The following ERI3 variants were observed in gnomAD, a reference collection of about 807,000 sequenced individuals.
ERI3 encodes the protein ERI1 exoribonuclease 3.
Under a neutral mutation model 44.4 loss-of-function variants are expected in ERI3, and 18 were observed. The ratio of observed to expected loss-of-function variants is 0.41; its 90% CI spans 0.28 to 0.60. The LOEUF (loss-of-function observed/expected upper bound fraction) is 0.60. Ranked by LOEUF, ERI3 falls within the 20% of genes least tolerant of loss-of-function variation. The probability of loss-of-function intolerance (pLI) is 0.36; values close to 1 mark genes in which losing one functional copy is unlikely to be tolerated. For synonymous variants in ERI3, 183 were observed against 164.8 expected (o/e 1.11, Z -0.84); for missense variants, 294 against 435.5 (o/e 0.68, Z 2.89).
chr1:44,290,942 A>G (rs1313799267), intron 6 of ERI3, among the ~76,000 whole-genome samples: 1 of 152,158 alleles, frequency 6.6e-6, no homozygotes, highest in Admixed American at 6.5e-5. Flanking sequence ...TTACACATGG[A>G]GCAAATTGAG....
chr1:44,278,198 C>T (rs1645216818), intron 7 of ERI3, among the ~76,000 whole-genome samples: 3 of 152,156 alleles, frequency 2.0e-5, no homozygotes, highest in African/African-American at 7.2e-5. Context: ...ACTTAATCTG[C>T]CGAGTGCAGT....
chr1:44,300,456 T>C (rs1203014109), intron 6 of ERI3, among the ~76,000 whole-genome samples: 4 of 152,104 alleles, frequency 2.6e-5, no homozygotes, highest in Non-Finnish European at 5.9e-5. Flanking sequence ...GCAGAGCTTC[T>C]CTCCCAGTCC....
intron 6 of ERI3, among the ~76,000 whole-genome samples, chr1:44,306,750 C>T (rs763815885): frequency 2.6e-5 from 4 of 152,200 alleles, no homozygotes; most frequent in Admixed American, 1.3e-4. Flanking sequence ...AAGGTGAAGA[C>T]GCCAAAGAGA....
chr1:44,306,435 A>G (rs1471918433), intron 6 of ERI3, among the ~76,000 whole-genome samples: 4 of 152,216 alleles, frequency 2.6e-5, no homozygotes, highest in Non-Finnish European at 5.9e-5. Context: ...TGCGCTCATT[A>G]AGACTTGGCT....
intron 4 of ERI3, among the ~76,000 whole-genome samples, chr1:44,316,091 A>G (rs1198504775): frequency 6.6e-6 from 1 of 151,938 alleles, no homozygotes; most frequent in East Asian, 1.9e-4. Flanking sequence ...AGACAATTTT[A>G]TCAAATTAAT....
chr1:44,266,701 A>G (rs1255179268), intron 7 of ERI3, among the ~76,000 whole-genome samples: 2 of 152,242 alleles, frequency 1.3e-5, no homozygotes, highest in African/African-American at 4.8e-5. Context: ...AAATGAATGA[A>G]TGAATGGCTA....
At chr1:44,279,358 A>G (rs1296693235) in intron 7 of ERI3, among the ~76,000 whole-genome samples, 1 of 151,956 alleles carries the variant, frequency 6.6e-6, no homozygotes, top group African/African-American at 2.4e-5. Flanking sequence ...CCAAGTAGCT[A>G]GGACTATGAG....
intron 7 of ERI3, among the ~76,000 whole-genome samples, chr1:44,261,951 C>G (rs1644903086): frequency 6.6e-6 from 1 of 152,204 alleles, no homozygotes; most frequent in African/African-American, 2.4e-5. Flanking sequence ...CCTGCTCTTT[C>G]AGCAGAACAG....
At chr1:44,285,573 T>C (rs1645377528) in intron 6 of ERI3, among the ~76,000 whole-genome samples, 1 of 152,206 alleles carries the variant, frequency 6.6e-6, no homozygotes, top group South Asian at 2.1e-4. Flanking sequence ...TTCTTGTTTT[T>C]TTTCTTTAAA....
At chr1:44,344,229 A>G (rs1423292752) in intron 2 of ERI3, among the ~76,000 whole-genome samples, 2 of 125,434 alleles carry the variant, frequency 1.6e-5, no homozygotes, top group African/African-American at 2.7e-5. Context: ...CAGAGACTCC[A>G]TCTCAATAAA....
intron 6 of ERI3, among the ~76,000 whole-genome samples, chr1:44,297,732 A>C (rs973570151): frequency 3.9e-5 from 6 of 152,180 alleles, no homozygotes; most frequent in Admixed American, 2.6e-4. Context: ...TAATGTCTCC[A>C]TTACCCTGGC....
intron 7 of ERI3, among the ~76,000 whole-genome samples, chr1:44,270,428 A>C (rs1645067507): frequency 6.6e-6 from 1 of 152,136 alleles, no homozygotes; most frequent in African/African-American, 2.4e-5. Flanking sequence ...CACAATAACA[A>C]AGAGGCATGG....
intron 8 of ERI3, among the ~76,000 whole-genome samples, chr1:44,238,023 C>A (rs1472881666): frequency 6.6e-6 from 1 of 152,184 alleles, no homozygotes; most frequent in Non-Finnish European, 1.5e-5. Flanking sequence ...CCCCAGAATA[C>A]CTCCTCGGCC....
intron 7 of ERI3, among the ~76,000 whole-genome samples, chr1:44,275,164 TG>T (rs1391459352): frequency 6.6e-6 from 1 of 152,142 alleles, no homozygotes; most frequent in Non-Finnish European, 1.5e-5. Context: ...CATTTTTGTT[TG>T]TTTTTTTTTC....
chr1:44,300,786 G>A (rs1380706736), intron 6 of ERI3, among the ~76,000 whole-genome samples: 1 of 152,174 alleles, frequency 6.6e-6, no homozygotes, highest in African/African-American at 2.4e-5. Flanking sequence ...GGGGCATCAG[G>A]CAGAGGCGGA....
intron 6 of ERI3, among the ~76,000 whole-genome samples, chr1:44,308,041 C>T (rs1358950404): frequency 6.6e-6 from 1 of 152,180 alleles, no homozygotes; most frequent in Non-Finnish European, 1.5e-5. Flanking sequence ...CAATAACACA[C>T]AGCCCCAGCA....
chr1:44,300,018 C>T (rs1557831604), intron 6 of ERI3, among the ~76,000 whole-genome samples: 2 of 152,164 alleles, frequency 1.3e-5, no homozygotes, highest in Non-Finnish European at 2.9e-5. Flanking sequence ...AGTCTCAGAA[C>T]ATACAGCCCC....
Position 44,221,688 on chromosome 1 carries a change from C to A in ERI3, c.932-48G>T. 1 of 1,495,776 alleles carries A rather than the reference C, an allele frequency of 6.7e-7. No homozygotes were observed. The highest frequency in any genetic ancestry group is 9.3e-7 in the Non-Finnish European group (1 of 1,072,882). 92.7% of individuals were successfully genotyped at this position (1,495,776 alleles called of 1,614,324 possible). On this transcript the variant is annotated intron_variant, in intron 8 of 8. Transcript: ENST00000372257. This position sits in a 1 kb window ranked among gnomAD's most constrained non-coding sequence, Gnocchi z 5.9. Reference sequence around the variant, plus strand: ...AGATCAGCCCCAGATCCTTCCCCTCCATGCCCACAGGTGCTCTTACAAGGG... The same window carrying A: ...AGATCAGCCCCAGATCCTTCCCCTCAATGCCCACAGGTGCTCTTACAAGGG...
At chr1:44,285,133 T>G (rs1645365867) in intron 6 of ERI3, among the ~76,000 whole-genome samples, 1 of 152,238 alleles carries the variant, frequency 6.6e-6, no homozygotes, top group Non-Finnish European at 1.5e-5. Context: ...CCAAAAATTC[T>G]TTCCAAAATA....
Sources: gnomAD v4.1 joint callset for allele counts (sites outside exome capture counted in the v4.1 genomes callset) on GRCh38, gnomAD v4.1.1 for gene constraint, Gnocchi (gnomAD v3.1) non-coding constraint, MANE v1.5 for transcripts, NCBI Gene and HGNC (gene_info 2026-07-23, HGNC 2026-07-21) for gene names.